Variants in PARD3B observed in about 807,000 individuals in gnomAD.
The protein encoded by PARD3B is partitioning defective 3 homolog B.
Under a neutral mutation model 130.2 loss-of-function variants are expected in PARD3B, and 103 were observed. The observed-to-expected ratio is 0.79, with a 90% CI of 0.67 to 0.93. PARD3B has a LOEUF of 0.93. Ranked by LOEUF, PARD3B falls within the 40% of genes least tolerant of loss-of-function variation. PARD3B has a pLI of 0.00. For synonymous variants in PARD3B, 583 were observed against 553.2 expected (o/e 1.05, Z -0.76); for missense variants, 1,609 against 1,499.2 (o/e 1.07, Z -1.21).
In PARD3B at chr2:205,018,432, G is replaced by A. The variant is rs78199041; in HGVS notation, c.395-29149G>A. 4.9e-4 allele frequency among the ~76,000 whole-genome samples: 75 copies of A among 152,216 alleles called. 1 individual carries two copies. The highest frequency in any genetic ancestry group is 3.4e-3 in the Middle Eastern group (1 of 294). On this transcript the variant is annotated intron_variant, in intron 3 of 22. Transcript: ENST00000406610. ...ACATTCTACCACTTAGTAGCCCTAT[G>A]ACTATAGCAACCCTTCTGAACCTCA... is the stretch of plus-strand genomic sequence containing the variant.
chr2:204,622,191 T>C (rs2034327520), intron 1 of PARD3B, among the ~76,000 whole-genome samples: 1 of 152,202 alleles, frequency 6.6e-6, no homozygotes, highest in Non-Finnish European at 1.5e-5. Context: ...TTGTGCTGTC[T>C]TTCCAGGATG....
At chr2:204,742,074 G>T (rs1157274457) in intron 2 of PARD3B, among the ~76,000 whole-genome samples, 1 of 152,114 alleles carries the variant, frequency 6.6e-6, no homozygotes, top group Non-Finnish European at 1.5e-5. Context: ...AATAAGCTAT[G>T]CAGGGGATAC....
intron 2 of PARD3B, among the ~76,000 whole-genome samples, chr2:204,864,144 C>T (rs1283861251): frequency 6.6e-6 from 1 of 152,136 alleles, no homozygotes; most frequent in African/African-American, 2.4e-5. Context: ...AAGTCACCAT[C>T]GTCATTTGCC....
In PARD3B at chr2:204,568,960, A is replaced by AAAAAAAAAAC. The variant is rs1236426006; in HGVS notation, c.120+22850_120+22851insCAAAAAAAAA. On this transcript the variant is annotated intron_variant, in intron 1 of 22. Coordinates refer to ENST00000406610, the MANE Select transcript of PARD3B (RefSeq NM_001302769.2). ...ACAGAGTGAGACTGTCTCAGGAAAA[A>AAAAAAAAAAC]AAAAAAAAAATTGCAGGAAAACTCA... Among the ~76,000 whole-genome samples, 458 of 152,082 alleles carry AAAAAAAAAAC rather than the reference A, an allele frequency of 3.0e-3. 4 individuals are homozygous for AAAAAAAAAAC. Among genetic ancestry groups the AAAAAAAAAAC allele is most frequent in the African/African-American group, 0.01 (421 of 41,418 alleles).
intron 1 of PARD3B, among the ~76,000 whole-genome samples, chr2:204,616,156 G>GA (rs1445891689): frequency 2.0e-5 from 3 of 152,150 alleles, no homozygotes; most frequent in Non-Finnish European, 4.4e-5. Flanking sequence ...TCTGTTTTGT[G>GA]AAACACACGG....
At chr2:205,441,118 G>T (rs1320217429) in intron 20 of PARD3B, among the ~76,000 whole-genome samples, 2 of 152,188 alleles carry the variant, frequency 1.3e-5, no homozygotes, top group African/African-American at 4.8e-5. Flanking sequence ...AGGAGCAGGG[G>T]CCTTTGAAAA....
chr2:204,867,326 C>G (rs1271721266), intron 2 of PARD3B, among the ~76,000 whole-genome samples: 1 of 152,150 alleles, frequency 6.6e-6, no homozygotes, highest in African/African-American at 2.4e-5. Flanking sequence ...TTATACCTCT[C>G]AACACCTTCA....
chr2:204,945,989 G>T (rs960260170), intron 2 of PARD3B, among the ~76,000 whole-genome samples: 8 of 152,196 alleles, frequency 5.3e-5, no homozygotes, highest in Non-Finnish European at 8.8e-5. Context: ...CCATTGTCCA[G>T]TGAAATCACA....
At chr2:204,779,366 T>C (rs955930421) in intron 2 of PARD3B, among the ~76,000 whole-genome samples, 2 of 152,190 alleles carry the variant, frequency 1.3e-5, no homozygotes, top group African/African-American at 4.8e-5. Context: ...AGATGAATAG[T>C]GGCTTTAACA....
chr2:204,764,851 C>G (rs2125415703), intron 2 of PARD3B, among the ~76,000 whole-genome samples: 1 of 152,090 alleles, frequency 6.6e-6, no homozygotes, highest in South Asian at 2.1e-4. Context: ...TAAATTCATT[C>G]CTTCCCTCCT....
At chr2:204,953,496 T>C (rs1689989364) in intron 2 of PARD3B, among the ~76,000 whole-genome samples, 1 of 151,002 alleles carries the variant, frequency 6.6e-6, no homozygotes, top group South Asian at 2.1e-4. Context: ...CAGAGTTTAA[T>C]TCTTTTGAAG....
intron 18 of PARD3B, among the ~76,000 whole-genome samples, chr2:205,319,898 G>T (rs891105056): frequency 6.6e-6 from 1 of 151,940 alleles, no homozygotes; most frequent in African/African-American, 2.4e-5. Context: ...GAAAAACTCG[G>T]CCGGGTGTGG....
chr2:205,199,434 A>T (rs886674409), intron 15 of PARD3B, among the ~76,000 whole-genome samples: 1 of 152,124 alleles, frequency 6.6e-6, no homozygotes, highest in Non-Finnish European at 1.5e-5. Context: ...TAAAATATAT[A>T]CATATATGTA....
chr2:205,275,881 A>C (rs1446494818), intron 16 of PARD3B, among the ~76,000 whole-genome samples: 1 of 150,898 alleles, frequency 6.6e-6, no homozygotes, highest in African/African-American at 2.4e-5. Flanking sequence ...TAGATGTCCT[A>C]ATGAGAGAAA....
At position 204,953,449 on chromosome 2, in the gene PARD3B, A is replaced by AGG. The variant is rs1553566391; in HGVS notation, c.223-11702_223-11701insGG. Among the ~76,000 whole-genome samples the AGG allele has an allele frequency of 3.9e-4, 59 of 150,060 alleles. 1 individual carries two copies. In the Middle Eastern group the frequency reaches 0.014, roughly 36 times the overall value. ...GAGAGAGAGAGAGAGAGAGAGAGAGAGAGAGAGAGAGAGAGAGAAGGCTGG... is the reference window on the plus strand; with the variant it reads ...GAGAGAGAGAGAGAGAGAGAGAGAGAGGGAGAGAGAGAGAGAGAGAAGGCTGG... On this transcript the variant is annotated intron_variant, in intron 2 of 22. Transcript: ENST00000406610.
intron 1 of PARD3B, among the ~76,000 whole-genome samples, chr2:204,574,328 G>T (rs1411737512): frequency 6.6e-6 from 1 of 152,152 alleles, no homozygotes; most frequent in Admixed American, 6.5e-5. Flanking sequence ...CCAACTAGCA[G>T]TGATCTCATA....
chr2:205,074,188 A>G (rs1279134419), intron 4 of PARD3B, among the ~76,000 whole-genome samples: 2 of 152,228 alleles, frequency 1.3e-5, no homozygotes, highest in East Asian at 1.9e-4. Flanking sequence ...CTTGATTCAT[A>G]TAGCACTTTC....
intron 18 of PARD3B, among the ~76,000 whole-genome samples, chr2:205,378,838 GC>G (rs571067251): frequency 1.5e-3 from 222 of 151,938 alleles, no homozygotes; most frequent in African/African-American, 5.2e-3. Context: ...CACTATGTTG[GC>G]CAGGATGGTC....
chr2:205,053,244 G>C (rs1468749200), intron 4 of PARD3B, among the ~76,000 whole-genome samples: 1 of 152,038 alleles, frequency 6.6e-6, no homozygotes, highest in African/African-American at 2.4e-5. Flanking sequence ...AAATCACCGA[G>C]ATATTACAGA....
Sources: gnomAD v4.1 joint callset for allele counts (sites outside exome capture counted in the v4.1 genomes callset) on GRCh38, gnomAD v4.1.1 for gene constraint, MANE v1.5 for transcripts, NCBI Gene and HGNC (gene_info 2026-07-23, HGNC 2026-07-21) for gene names.